The following JCAD variants were observed in gnomAD, a reference collection of about 807,000 sequenced individuals.
The protein encoded by JCAD is junctional cadherin 5-associated protein.
JCAD carries 40 observed loss-of-function variants against 98.0 expected under a neutral mutation model. The observed-to-expected ratio is 0.41, with a 90% CI of 0.32 to 0.53. JCAD has a LOEUF of 0.53. Among genes scored for constraint, JCAD ranks in the 20% least tolerant of loss-of-function variants. The pLI is 0.31. For missense variants in JCAD, 1,705 were observed against 1,738.1 expected (o/e 0.98, Z 0.34); for synonymous variants, 691 against 682.3 (o/e 1.01, Z -0.20).
Position 30,026,655 on chromosome 10 carries a change from T to C in JCAD, c.3493A>G (p.Ser1165Gly). The change falls in exon 3 of 4, where the codon AGT becomes GGT. Residue 1165 changes from serine to glycine, a missense_variant. This residue lies in a region of JCAD where 1,278 missense variants were observed against 1,243.1 expected (regional missense o/e 1.03). Transcript: ENST00000375377. Reference protein sequence around the residue: ...KSPLFVGDRDSARRAPQAFEH... With the variant: ...KSPLFVGDRDGARRAPQAFEH... Reference sequence around the variant, plus strand: ...AAAGCCTGAGGAGCCCGCCTGGCACTGTCCCTGTCCCCTACAAAGAGAGGG... The same window carrying C: ...AAAGCCTGAGGAGCCCGCCTGGCACCGTCCCTGTCCCCTACAAAGAGAGGG... The C allele has an allele frequency of 6.2e-7, 1 of 1,613,182 alleles. No individual in the cohort carries two copies. The highest frequency in any genetic ancestry group is 8.5e-7 in the Non-Finnish European group (1 of 1,180,034).
intron 2 of JCAD, 122 bp downstream of exon 2, chr10:30,047,410 T>G: frequency 8.4e-7 from 1 of 1,193,182 alleles, no homozygotes; most frequent in Non-Finnish European, 1.2e-6. Context: ...TGTTCTTGTG[T>G]CTAATACCAT....
At chr10:30,039,171 A>G (rs1284002163) in intron 2 of JCAD, among the ~76,000 whole-genome samples, 1 of 152,168 alleles carries the variant, frequency 6.6e-6, no homozygotes, top group Non-Finnish European at 1.5e-5. Context: ...CGCCCCTCCC[A>G]TGCTAGGATC....
chr10:30,021,531 A>G (rs1374339745), intron 3 of JCAD, among the ~76,000 whole-genome samples: 2 of 152,222 alleles, frequency 1.3e-5, no homozygotes, highest in African/African-American at 4.8e-5. Flanking sequence ...GTTGAAACAC[A>G]TAAAAATAAA....
intron 1 of JCAD, among the ~76,000 whole-genome samples, chr10:30,089,419 T>C (rs1237535152): frequency 5.9e-5 from 9 of 152,062 alleles, no homozygotes; most frequent in Non-Finnish European, 5.9e-5. Flanking sequence ...GGCTGCCCCA[T>C]TTGGCAGTCA....
Position 30,114,682 on chromosome 10 carries a change from T to A in JCAD, n.128+685A>T, listed in dbSNP as rs184873579. 4.6e-3 allele frequency among the ~76,000 whole-genome samples: 707 copies of A among 152,048 alleles called. 6 individuals carry two copies. The highest frequency in any genetic ancestry group is 8.4e-3 in the Non-Finnish European group (568 of 67,998). ...TTCTTTTAGTTCAGGAGACCATAGT[T>A]ACTGGTATTTGAAGAAAATGTTAAC... On this transcript the variant is annotated intron_variant and non_coding_transcript_variant, in intron 1 of 2. Coordinates refer to the JCAD transcript ENST00000465712.
At chr10:30,097,387 C>T (rs1163318835) in intron 1 of JCAD, among the ~76,000 whole-genome samples, 5 of 152,144 alleles carry the variant, frequency 3.3e-5, no homozygotes, top group African/African-American at 9.7e-5. Flanking sequence ...CACTCTAAAG[C>T]TCAAAGGAAG....
At chr10:30,072,123 G>A (rs1219829164) in intron 1 of JCAD, among the ~76,000 whole-genome samples, 4 of 151,886 alleles carry the variant, frequency 2.6e-5, no homozygotes, top group African/African-American at 4.8e-5. Context: ...AAAGAAGGAA[G>A]GGCAGGGCAG....
At chr10:30,024,148 G>C (rs1460917178) in intron 3 of JCAD, among the ~76,000 whole-genome samples, 1 of 152,212 alleles carries the variant, frequency 6.6e-6, no homozygotes, top group African/African-American at 2.4e-5. Flanking sequence ...CTGGGCCACA[G>C]AGTGAGACTC....
Position 30,026,643 on chromosome 10 carries a change from C to A in JCAD, c.3505G>T (p.Ala1169Ser). The change falls in exon 3 of 4, where the codon GCT becomes TCT. Residue 1169 changes from alanine to serine, a missense_variant. This residue lies in a region of JCAD where 1,278 missense variants were observed against 1,243.1 expected (regional missense o/e 1.03). Coordinates refer to ENST00000375377, the MANE Select transcript of JCAD (RefSeq NM_020848.4). ...FVGDRDSARRAPQAFEHSDVD... is the reference protein window; with the variant it reads ...FVGDRDSARRSPQAFEHSDVD... ...TCTGAGTGCTCAAAAGCCTGAGGAG[C>A]CCGCCTGGCACTGTCCCTGTCCCCT... 2 of 1,613,156 alleles carry A rather than the reference C, an allele frequency of 1.2e-6. No homozygotes were observed. Among genetic ancestry groups the A allele is most frequent in the Non-Finnish European group, 1.7e-6 (2 of 1,180,040 alleles).
intron 1 of JCAD, among the ~76,000 whole-genome samples, chr10:30,049,235 CA>C (rs987977014): frequency 6.6e-6 from 1 of 152,186 alleles, no homozygotes; most frequent in Non-Finnish European, 1.5e-5. Flanking sequence ...ACAAAAGCCA[CA>C]AAAGCCAGCC....
intron 1 of JCAD, among the ~76,000 whole-genome samples, chr10:30,096,258 C>T (rs535321679): frequency 6.6e-5 from 10 of 152,266 alleles, no homozygotes; most frequent in Admixed American, 2.6e-4. Flanking sequence ...TGATGATGGG[C>T]GGCCCCACCA....
At chr10:30,107,903 A>C (rs921826884) in intron 1 of JCAD, among the ~76,000 whole-genome samples, 1 of 152,214 alleles carries the variant, frequency 6.6e-6, no homozygotes, top group Admixed American at 6.5e-5. Context: ...AAACTTAAAA[A>C]AAAATGGCCA....
chr10:30,110,051 C>T (rs1216564822), intron 1 of JCAD, among the ~76,000 whole-genome samples: 2 of 151,864 alleles, frequency 1.3e-5, no homozygotes, highest in Non-Finnish European at 2.9e-5. Context: ...TATGACCCCC[C>T]AATATATGGA....
chr10:30,062,773 G>T (rs750942775), upstream of JCAD, among the ~76,000 whole-genome samples: 14 of 152,096 alleles, frequency 9.2e-5, no homozygotes, highest in Non-Finnish European at 2.1e-4. Context: ...CACAAGAACG[G>T]CATGGGAAAA....
intron 3 of JCAD, 101 bp from the exon 4 acceptor site, chr10:30,018,018 A>G (rs981207757): frequency 2.4e-6 from 2 of 831,646 alleles, no homozygotes; most frequent in Non-Finnish European, 3.9e-6. Context: ...CAAAATCTAC[A>G]AGTGTATAAA....
upstream of JCAD, among the ~76,000 whole-genome samples, chr10:30,062,392 G>C (rs961361075): frequency 4.6e-5 from 7 of 152,098 alleles, no homozygotes; most frequent in Non-Finnish European, 8.8e-5. Flanking sequence ...CATGACTAAG[G>C]CCATTTCAAA....
chr10:30,038,115 T>C (rs994828796), intron 2 of JCAD, among the ~76,000 whole-genome samples: 1 of 152,126 alleles, frequency 6.6e-6, no homozygotes, highest in Non-Finnish European at 1.5e-5. Flanking sequence ...CTTTTGATTT[T>C]GCAAGGTCTA....
chr10:30,108,113 G>C (rs1838619271), intron 1 of JCAD, among the ~76,000 whole-genome samples: 1 of 152,072 alleles, frequency 6.6e-6, no homozygotes, highest in Non-Finnish European at 1.5e-5. Context: ...ATGAGTTTGA[G>C]ACCCGCCTGG....
At chr10:30,056,621 A>C (rs1441574882) in intron 1 of JCAD, among the ~76,000 whole-genome samples, 1 of 152,140 alleles carries the variant, frequency 6.6e-6, no homozygotes, top group Non-Finnish European at 1.5e-5. Flanking sequence ...TTTACAGGTA[A>C]ACTATAAAGA....
Sources: allele counts gnomAD v4.1 joint callset (sites outside exome capture counted in the v4.1 genomes callset), GRCh38; gene constraint gnomAD v4.1.1; regional missense constraint gnomAD v4.1.1; transcripts MANE v1.5; gene names NCBI Gene and HGNC (gene_info 2026-07-23, HGNC 2026-07-21).